The following SGCZ variants were observed in gnomAD, a reference collection of about 807,000 sequenced individuals.
SGCZ encodes sarcoglycan zeta.
Under a neutral mutation model 41.3 loss-of-function variants are expected in SGCZ, and 40 were observed. That is an observed-to-expected ratio of 0.97 (90% confidence interval 0.75 to 1.26). The LOEUF is 1.26. Ranked by LOEUF, SGCZ falls within the 50% of genes most tolerant of loss-of-function variation. The probability of loss-of-function intolerance (pLI) is 0.00; values close to 1 mark genes in which losing one functional copy is unlikely to be tolerated. For synonymous variants in SGCZ, 206 were observed against 137.5 expected, an observed-to-expected ratio of 1.50 and a Z score of -3.49; for missense variants, 552 against 369.8, an observed-to-expected ratio of 1.49 and a Z score of -4.04.
intron 7 of SGCZ, among the ~76,000 whole-genome samples, chr8:14,097,438 G>C (rs990335196): frequency 1.1e-4 from 17 of 152,154 alleles, no homozygotes; most frequent in African/African-American, 4.1e-4. Flanking sequence ...GTTCTAATTT[G>C]ATTGCACTGT....
At chr8:15,013,334 A>C (rs768582396) in intron 1 of SGCZ, among the ~76,000 whole-genome samples, 3 of 152,202 alleles carry the variant, frequency 2.0e-5, no homozygotes, top group Non-Finnish European at 4.4e-5. Flanking sequence ...ATGGAATCAT[A>C]AAGTTGTTAT....
At chr8:14,505,675 G>A (rs1470378767) in intron 2 of SGCZ, among the ~76,000 whole-genome samples, 1 of 152,076 alleles carries the variant, frequency 6.6e-6, no homozygotes, top group Non-Finnish European at 1.5e-5. Context: ...TAAACCAGCA[G>A]GACATGCCAG....
chr8:14,476,587 A>T (rs1801368551), intron 2 of SGCZ, among the ~76,000 whole-genome samples: 1 of 152,120 alleles, frequency 6.6e-6, no homozygotes, highest in South Asian at 2.1e-4. Context: ...CTGCTTATCT[A>T]TGGCTAATGG....
At chr8:14,142,061 G>T (rs1399301255) in intron 5 of SGCZ, among the ~76,000 whole-genome samples, 1 of 152,092 alleles carries the variant, frequency 6.6e-6, no homozygotes, top group Admixed American at 6.6e-5. Context: ...GCAAACTATC[G>T]CAAGGACAGA....
chr8:14,210,653 G>T (rs1805773831), intron 4 of SGCZ, among the ~76,000 whole-genome samples: 1 of 151,572 alleles, frequency 6.6e-6, no homozygotes, highest in Non-Finnish European at 1.5e-5. Context: ...TTTTAGTAGA[G>T]ACGGGGTTTC....
intron 7 of SGCZ, among the ~76,000 whole-genome samples, chr8:14,099,101 G>T (rs975954074): frequency 6.6e-6 from 1 of 152,104 alleles, no homozygotes; most frequent in South Asian, 2.1e-4. Flanking sequence ...TGAGATAGAG[G>T]TATAAGTCAT....
intron 1 of SGCZ, among the ~76,000 whole-genome samples, chr8:14,649,375 T>A (rs955623000): frequency 6.6e-6 from 1 of 152,112 alleles, no homozygotes; most frequent in Non-Finnish European, 1.5e-5. Context: ...ATTGCTTCCC[T>A]AATATGAAGG....
At chr8:14,665,022 T>A (rs1045387706) in intron 1 of SGCZ, among the ~76,000 whole-genome samples, 1 of 152,190 alleles carries the variant, frequency 6.6e-6, no homozygotes, top group Non-Finnish European at 1.5e-5. Context: ...AAACTCTTTT[T>A]TAAAATTATA....
intron 1 of SGCZ, among the ~76,000 whole-genome samples, chr8:14,943,871 A>G (rs182370889): frequency 2.6e-5 from 4 of 152,188 alleles, no homozygotes; most frequent in Admixed American, 2.0e-4. Flanking sequence ...TAGGAAAGTG[A>G]CCTCTAGCTC....
At chr8:14,334,125 A>G (rs186789984) in intron 2 of SGCZ, among the ~76,000 whole-genome samples, 1 of 152,194 alleles carries the variant, frequency 6.6e-6, no homozygotes, top group Admixed American at 6.5e-5. Flanking sequence ...TGACTTGAAC[A>G]AAATCACATT....
intron 3 of SGCZ, among the ~76,000 whole-genome samples, chr8:14,322,661 T>G (rs1335934424): frequency 6.6e-6 from 1 of 152,152 alleles, no homozygotes; most frequent in African/African-American, 2.4e-5. Flanking sequence ...TAGAGATAAA[T>G]CATTTCTGCT....
At chr8:14,192,791 A>G (rs1805145306) in intron 4 of SGCZ, among the ~76,000 whole-genome samples, 1 of 152,096 alleles carries the variant, frequency 6.6e-6, no homozygotes, top group Admixed American at 6.5e-5. Context: ...GTTTACATTT[A>G]GAATACAATT....
chr8:14,505,659 A>G (rs1485196703), intron 2 of SGCZ, among the ~76,000 whole-genome samples: 3 of 152,182 alleles, frequency 2.0e-5, no homozygotes, highest in Non-Finnish European at 4.4e-5. Context: ...GACAGAATTT[A>G]AAAGATAAAC....
At chr8:14,737,908 G>C (rs1799093425) in intron 1 of SGCZ, among the ~76,000 whole-genome samples, 3 of 152,042 alleles carry the variant, frequency 2.0e-5, no homozygotes, top group Non-Finnish European at 4.4e-5. Flanking sequence ...GAATAGTTTA[G>C]ATACATTATT....
rs573506029 is a variant in SGCZ at position 14,456,766 on chromosome 8, G to C, written c.234+97966C>G. Among the ~76,000 whole-genome samples the C allele has an allele frequency of 6.6e-5, 10 of 152,312 alleles. No homozygotes were observed. The East Asian group carries it at 9.7e-4, about 15-fold the overall frequency. On this transcript the variant is annotated intron_variant, in intron 2 of 7. Transcript: ENST00000382080. ...TGTTGAATTGTCATCTCCAATGCTG[G>C]AGGTAGGACCTGTTGGGAGGTGTTT... is the stretch of plus-strand genomic sequence containing the variant.
At chr8:14,770,343 T>A (rs1018276848) in intron 1 of SGCZ, among the ~76,000 whole-genome samples, 1 of 151,538 alleles carries the variant, frequency 6.6e-6, no homozygotes, top group African/African-American at 2.4e-5. Context: ...ACATAATAGT[T>A]CGTCAAGCAA....
intron 1 of SGCZ, among the ~76,000 whole-genome samples, chr8:14,573,841 T>C (rs1228805076): frequency 6.6e-6 from 1 of 152,040 alleles, no homozygotes. Flanking sequence ...AAATAAGAAA[T>C]GGAAGAGTTT....
At chr8:14,800,767 T>C (rs1215082566) in intron 1 of SGCZ, among the ~76,000 whole-genome samples, 2 of 152,188 alleles carry the variant, frequency 1.3e-5, no homozygotes, top group Non-Finnish European at 2.9e-5. Context: ...TTTTTCTTTA[T>C]AAATTACCCA....
chr8:14,676,310 G>A (rs534921505), intron 1 of SGCZ, among the ~76,000 whole-genome samples: 2 of 144,292 alleles, frequency 1.4e-5, no homozygotes, highest in South Asian at 2.2e-4. Context: ...AGCCTGAACA[G>A]CATAGAGAGA....
Sources: gnomAD v4.1 joint callset for allele counts (sites outside exome capture counted in the v4.1 genomes callset) on GRCh38, gnomAD v4.1.1 for gene constraint, MANE v1.5 for transcripts, NCBI Gene and HGNC (gene_info 2026-07-23, HGNC 2026-07-21) for gene names.